The following PCDHA4 variants were observed in gnomAD, a reference collection of about 807,000 sequenced individuals.
PCDHA4 encodes the protein protocadherin alpha-4.
A neutral mutation model predicts 61.4 loss-of-function variants in PCDHA4; 49 were observed. That is an observed-to-expected ratio of 0.80 (90% CI 0.63 to 1.01). The LOEUF (loss-of-function observed/expected upper bound fraction) is 1.01. Ranked by LOEUF, PCDHA4 falls within the 50% of genes least tolerant of loss-of-function variation. The probability of loss-of-function intolerance (pLI) is 0.00; values close to 1 mark genes in which losing one functional copy is unlikely to be tolerated. For missense variants in PCDHA4, 1,254 were observed against 1,235.8 expected (o/e 1.01, Z -0.22); for synonymous variants, 590 against 550.3 (o/e 1.07, Z -1.01).
At chr5:140,992,918 A>C (rs1362238628) in intron 3 of PCDHA4, among the ~76,000 whole-genome samples, 2 of 152,186 alleles carry the variant, frequency 1.3e-5, no homozygotes, top group Non-Finnish European at 2.9e-5. Context: ...GGCCCTCTCC[A>C]TACTTACAGC....
intron 1 of PCDHA4, among the ~76,000 whole-genome samples, chr5:140,879,472 G>T (rs546855959): frequency 6.6e-6 from 1 of 152,318 alleles, no homozygotes; most frequent in South Asian, 2.1e-4. Context: ...GAATACCGTT[G>T]TGATTGGAAA....
chr5:140,970,400 C>T (rs1586425210), intron 1 of PCDHA4, among the ~76,000 whole-genome samples: 1 of 152,162 alleles, frequency 6.6e-6, no homozygotes, highest in Non-Finnish European at 1.5e-5. Context: ...AAGTGGATGG[C>T]TTACCCTACA....
intron 3 of PCDHA4, among the ~76,000 whole-genome samples, chr5:140,990,586 A>G (rs544396898): frequency 7.2e-5 from 11 of 152,284 alleles, no homozygotes; most frequent in African/African-American, 2.6e-4. Flanking sequence ...CTTTTCCTAT[A>G]ATCACCTGGA....
At position 140,884,470 on chromosome 5, in the gene PCDHA4, G is replaced by A. The variant is rs1453696477; in HGVS notation, c.2385+74898G>A. The A allele has an allele frequency of 2.5e-6, 4 of 1,613,644 alleles. No homozygotes were observed. Among genetic ancestry groups the A allele is most frequent in the South Asian group, 2.2e-5 (2 of 91,036 alleles). On this transcript the variant is annotated intron_variant, in intron 1 of 3. Coordinates refer to ENST00000530339, the MANE Select transcript of PCDHA4 (RefSeq NM_018907.4). The stretch of plus-strand genomic sequence containing the variant: ...CGCCCACCGAGGGCGCGTGCGCGCC[G>A]GGCAAGCCCACTCTAGTGTGCTCCA...
chr5:140,807,395 G>GC lies in PCDHA4; in HGVS notation c.208_209insC (p.Gly70AlafsTer58), dbSNP rs782764363. The stretch of plus-strand genomic sequence containing the variant: ...GCGCCTGTTCCGGGTGGCGTCCAAG[G>GC]GCCGCGGAGGCCTTCTGGAGGTAAA... On this transcript the variant is annotated frameshift_variant, in exon 1 of 4. Transcript: ENST00000530339. LOFTEE classifies it high-confidence loss of function. The GC allele has an allele frequency of 1.0e-6, 1 of 994,818 alleles. No individual in the cohort carries two copies. Among genetic ancestry groups the GC allele is most frequent in the Non-Finnish European group, 1.4e-6 (1 of 705,952 alleles). 61.6% of individuals were successfully genotyped at this position (994,818 alleles called of 1,614,324 possible).
chr5:140,946,162 A>C (rs2093896348), intron 1 of PCDHA4, among the ~76,000 whole-genome samples: 1 of 152,080 alleles, frequency 6.6e-6, no homozygotes, highest in Non-Finnish European at 1.5e-5. Context: ...GATTTAAAAG[A>C]TGGGTAAAGG....
intron 1 of PCDHA4, among the ~76,000 whole-genome samples, chr5:140,845,801 G>C (rs1219755602): frequency 1.3e-5 from 2 of 149,630 alleles, no homozygotes; most frequent in African/African-American, 4.9e-5. Flanking sequence ...TCTGGCAAGT[G>C]ATAGGTACAT....
chr5:140,833,882 G>A (rs1377980583), intron 1 of PCDHA4, among the ~76,000 whole-genome samples: 2 of 151,998 alleles, frequency 1.3e-5, no homozygotes, highest in Non-Finnish European at 2.9e-5. Flanking sequence ...AAGTTTCCTG[G>A]GATCTAGATC....
At position 141,007,395 on chromosome 5, in the gene PCDHA4, CAAAA is replaced by C. The variant is rs35800918; in HGVS notation, c.2534-2212_2534-2209del. Among the ~76,000 whole-genome samples the C allele has an allele frequency of 1.2e-3, 116 of 94,838 alleles. No homozygotes were observed. In the Middle Eastern group the frequency reaches 0.016, roughly 13 times the overall value. 62.2% of individuals were successfully genotyped at this position (94,838 alleles called of 152,430 possible). ...ATGGAACACCATCTCTACTAAAATA[CAAAA>C]AAAAAAAAAAAAAAAAAAATTAGCC... is the stretch of plus-strand genomic sequence containing the variant. On this transcript the variant is annotated intron_variant, in intron 3 of 3. Coordinates refer to ENST00000530339, the MANE Select transcript of PCDHA4 (RefSeq NM_018907.4).
intron 1 of PCDHA4, among the ~76,000 whole-genome samples, chr5:140,955,186 G>A (rs246020): frequency 0.56 from 85,667 of 151,968 alleles, 24,773 homozygotes; most frequent in African/African-American, 0.69. Flanking sequence ...GTTTTGTGGT[G>A]TATATGAAGT....
Position 140,875,195 on chromosome 5 carries a change from G to A in PCDHA4, c.2385+65623G>A, listed in dbSNP as rs1554167540. On this transcript the variant is annotated intron_variant, in intron 1 of 3. Transcript: ENST00000530339. ...AACATTAGAATTAAGAGTGACCCAG[G>A]AAGTGGCTAAACCGAAAAGAACCTC... is the stretch of plus-strand genomic sequence containing the variant. The A allele has an allele frequency of 1.5e-5, 8 of 526,354 alleles. No individual in the cohort carries two copies. The Admixed American group carries it at 1.6e-4, about 10-fold the overall frequency. 32.6% of individuals were successfully genotyped at this position (526,354 alleles called of 1,614,324 possible). A position where few individuals can be genotyped will look rare whatever the true frequency, so the allele number is the denominator to read the frequency against.
chr5:140,927,450 G>A (rs782619485), intron 1 of PCDHA4: 3 of 1,614,188 alleles, frequency 1.9e-6, no homozygotes, highest in South Asian at 1.1e-5. Context: ...CGGAGTTGGT[G>A]TTGGAGAAAG....
chr5:140,988,059 T>C (rs1587274242), intron 3 of PCDHA4, among the ~76,000 whole-genome samples: 1 of 152,324 alleles, frequency 6.6e-6, no homozygotes, highest in East Asian at 1.9e-4. Flanking sequence ...ACTGTCAACA[T>C]GAATTTTTCT....
chr5:140,885,138 T>C (rs1582817960), intron 1 of PCDHA4, among the ~76,000 whole-genome samples: 1 of 152,206 alleles, frequency 6.6e-6, no homozygotes, highest in Admixed American at 6.5e-5. Context: ...TTTCTTTTTT[T>C]AAACTGTTTT....
rs183247098 is a variant in PCDHA4 at position 140,949,419 on chromosome 5, T to G, written c.2386-29530T>G. On this transcript the variant is annotated intron_variant, in intron 1 of 3. Coordinates refer to ENST00000530339, the MANE Select transcript of PCDHA4 (RefSeq NM_018907.4). ...TGTTAAAAATCACCTATCATCATTGTGTTTATCTCTTTGTGCCCATTTTTG... is the reference window on the plus strand; with the variant it reads ...TGTTAAAAATCACCTATCATCATTGGGTTTATCTCTTTGTGCCCATTTTTG... Among the ~76,000 whole-genome samples the G allele has an allele frequency of 2.5e-3, 382 of 151,992 alleles. 3 individuals are homozygous for G. The highest frequency in any genetic ancestry group is 0.018 in the South Asian group (86 of 4,828).
chr5:140,849,023 G>C (rs2150428994), intron 1 of PCDHA4: 1 of 1,586,580 alleles, frequency 6.3e-7, no homozygotes, highest in East Asian at 2.2e-5. Flanking sequence ...GCCCCAATGA[G>C]TATTTCTTCC....
At chr5:140,821,012 A>G (rs2150059416) in intron 1 of PCDHA4, among the ~76,000 whole-genome samples, 1 of 152,226 alleles carries the variant, frequency 6.6e-6, no homozygotes, top group East Asian at 1.9e-4. Context: ...GTTTTCATCG[A>G]TTTGAAAATT....
chr5:140,807,117 T>C lies in PCDHA4; in HGVS notation c.-71T>C. 6.5e-7 allele frequency: 1 copy of C among 1,528,166 alleles called. No individual in the cohort carries two copies. Among genetic ancestry groups the C allele is most frequent in the Non-Finnish European group, 8.9e-7 (1 of 1,125,034 alleles). 94.7% of individuals were successfully genotyped at this position (1,528,166 alleles called of 1,614,324 possible). On this transcript the variant is annotated 5_prime_UTR_variant, in exon 1 of 4. The change abolishes the stop of an existing upstream ORF in the 5' untranslated region. Coordinates refer to ENST00000530339, the MANE Select transcript of PCDHA4 (RefSeq NM_018907.4). The stretch of plus-strand genomic sequence containing the variant: ...TATGGAGGATGCAGCTGCACTTGAC[T>C]GACCGATTAAAAGATTTCCCTTGAC...
rs577872820 is a variant in PCDHA4, at chr5:140,862,061, T to G, written c.2385+52489T>G. Reference sequence around the variant, plus strand: ...AACCGTCACATTGTTTCTTTGCAACTGATGTCTCCCCTAACATAGAAGCCC... The same window carrying G: ...AACCGTCACATTGTTTCTTTGCAACGGATGTCTCCCCTAACATAGAAGCCC... On this transcript the variant is annotated intron_variant, in intron 1 of 3. Coordinates refer to ENST00000530339, the MANE Select transcript of PCDHA4 (RefSeq NM_018907.4). 26 of 155,902 alleles carry G rather than the reference T, an allele frequency of 1.7e-4. No homozygotes were observed. In the South Asian group the frequency reaches 2.8e-3, roughly 17 times the overall value. 9.7% of individuals were successfully genotyped at this position (155,902 alleles called of 1,614,324 possible).
Sources: gnomAD v4.1 joint callset for allele counts (sites outside exome capture counted in the v4.1 genomes callset) on GRCh38, gnomAD v4.1.1 for gene constraint, MANE v1.5 for transcripts, NCBI Gene and HGNC (gene_info 2026-07-23, HGNC 2026-07-21) for gene names.